Variants in SGCZ observed in about 807,000 individuals in gnomAD.
The protein encoded by SGCZ is sarcoglycan zeta, also known as zeta-sarcoglycan.
SGCZ carries 40 observed loss-of-function variants against 41.3 expected under a neutral mutation model. That is an observed-to-expected ratio of 0.97 (90% confidence interval 0.75 to 1.26). SGCZ has a LOEUF of 1.26. Among genes scored for constraint, SGCZ ranks in the 50% most tolerant of loss-of-function variants. The pLI, the probability that SGCZ is intolerant of heterozygous loss-of-function variation, is 0.00. For synonymous variants in SGCZ, 206 were observed against 137.5 expected, an observed-to-expected ratio of 1.50 and a Z score of -3.49; for missense variants, 552 against 369.8, an observed-to-expected ratio of 1.49 and a Z score of -4.04.
At chr8:14,857,570 G>T (rs1244430520) in intron 1 of SGCZ, among the ~76,000 whole-genome samples, 1 of 152,036 alleles carries the variant, frequency 6.6e-6, no homozygotes, top group Non-Finnish European at 1.5e-5. Flanking sequence ...GTTTTAAAAA[G>T]GTGCAGATTT....
intron 2 of SGCZ, among the ~76,000 whole-genome samples, chr8:14,348,591 C>A (rs1188998718): frequency 2.6e-5 from 4 of 152,090 alleles, no homozygotes; most frequent in East Asian, 1.9e-4. Context: ...TGGCATACAA[C>A]TGAAACTTGG....
chr8:14,955,045 AC>A (rs1470970747), intron 1 of SGCZ, among the ~76,000 whole-genome samples: 11 of 152,196 alleles, frequency 7.2e-5, no homozygotes, highest in African/African-American at 2.4e-4. Context: ...CATTCTCAGA[AC>A]CTGAGAAGTC....
At chr8:14,762,824 A>C (rs1799933039) in intron 1 of SGCZ, among the ~76,000 whole-genome samples, 1 of 152,210 alleles carries the variant, frequency 6.6e-6, no homozygotes, top group African/African-American at 2.4e-5. Flanking sequence ...CTTTGCAAAG[A>C]GATATCTCTG....
At chr8:14,100,597 T>A (rs1267786653) in intron 7 of SGCZ, among the ~76,000 whole-genome samples, 5 of 141,200 alleles carry the variant, frequency 3.5e-5, no homozygotes, top group Middle Eastern at 3.8e-3. Flanking sequence ...ATATTATATT[T>A]TATTAATTTA....
chr8:14,132,461 C>T (rs1803070979), intron 5 of SGCZ, among the ~76,000 whole-genome samples: 1 of 152,158 alleles, frequency 6.6e-6, no homozygotes, highest in African/African-American at 2.4e-5. Flanking sequence ...CTAAGACAAC[C>T]ACCATTACTA....
chr8:15,026,365 G>C (rs1803458369), intron 1 of SGCZ, among the ~76,000 whole-genome samples: 1 of 152,090 alleles, frequency 6.6e-6, no homozygotes. Flanking sequence ...GAACAGAAAA[G>C]AGTCCTAAAT....
chr8:14,936,343 A>G (rs756869842), intron 1 of SGCZ, among the ~76,000 whole-genome samples: 1 of 151,996 alleles, frequency 6.6e-6, no homozygotes, highest in Non-Finnish European at 1.5e-5. Flanking sequence ...ATCTTAGCCT[A>G]GCCTACCTTA....
intron 1 of SGCZ, among the ~76,000 whole-genome samples, chr8:14,777,898 CAA>C (rs200331185): frequency 6.1e-4 from 73 of 119,172 alleles, no homozygotes; most frequent in Non-Finnish European, 8.5e-4. Context: ...AAATTATTTC[CAA>C]AAAAAAAAAA....
intron 1 of SGCZ, among the ~76,000 whole-genome samples, chr8:14,826,767 T>A (rs1011709680): frequency 1.3e-5 from 2 of 152,230 alleles, no homozygotes; most frequent in Non-Finnish European, 2.9e-5. Flanking sequence ...CTTTGCCGAC[T>A]TTTTGATGGG....
intron 3 of SGCZ, among the ~76,000 whole-genome samples, chr8:14,245,748 A>T (rs1799064224): frequency 1.3e-5 from 2 of 152,140 alleles, no homozygotes; most frequent in African/African-American, 4.8e-5. Context: ...CAAATTTACA[A>T]AAAAAACCAC....
At chr8:14,506,632 T>C (rs1802313192) in intron 2 of SGCZ, among the ~76,000 whole-genome samples, 1 of 152,302 alleles carries the variant, frequency 6.6e-6, no homozygotes, top group South Asian at 2.1e-4. Flanking sequence ...AATGTCTCTT[T>C]CCCCTTCTGT....
intron 3 of SGCZ, among the ~76,000 whole-genome samples, chr8:14,292,804 C>T (rs1800884975): frequency 6.7e-6 from 1 of 149,820 alleles, no homozygotes; most frequent in African/African-American, 2.5e-5. Flanking sequence ...CTGAGAATTA[C>T]ATGAAAAAGT....
chr8:14,418,803 A>T, intron 2 of SGCZ, among the ~76,000 whole-genome samples: 1 of 151,992 alleles, frequency 6.6e-6, no homozygotes, highest in East Asian at 1.9e-4. Flanking sequence ...GCTGAACACT[A>T]TTGCTATACA....
intron 1 of SGCZ, among the ~76,000 whole-genome samples, chr8:14,698,130 G>A (rs944970971): frequency 2.0e-5 from 3 of 151,878 alleles, no homozygotes; most frequent in African/African-American, 7.2e-5. Context: ...CGCCTTTCTA[G>A]CAGTCAAACA....
intron 7 of SGCZ, among the ~76,000 whole-genome samples, chr8:14,091,489 G>C (rs764165696): frequency 5.3e-5 from 8 of 152,024 alleles, no homozygotes; most frequent in Non-Finnish European, 1.2e-4. Flanking sequence ...AGCATCTGTT[G>C]TTTCCTGACT....
chr8:14,883,779 T>C (rs79233061), intron 1 of SGCZ, among the ~76,000 whole-genome samples: 6 of 133,894 alleles, frequency 4.5e-5, no homozygotes, highest in Non-Finnish European at 8.4e-5. Context: ...TCCTGTTGTT[T>C]TTTTTTTTTT....
chr8:14,591,775 A>G (rs1348337563), intron 1 of SGCZ, among the ~76,000 whole-genome samples: 2 of 152,160 alleles, frequency 1.3e-5, no homozygotes, highest in African/African-American at 2.4e-5. Flanking sequence ...GCCATTATGA[A>G]AAGCACTTTT....
rs1414788175 is a variant in SGCZ at position 14,582,597 on chromosome 8, T to G, written c.40-27671A>C. Among the ~76,000 whole-genome samples the G allele has an allele frequency of 2.0e-5, 3 of 149,138 alleles. No individual in the cohort carries two copies. In the East Asian group the frequency reaches 5.9e-4, roughly 29 times the overall value. On this transcript the variant is annotated intron_variant, in intron 1 of 7. Transcript: ENST00000382080. ...CATATGTATACATGTGCCATGCTGG[T>G]GTGCTGCCCATTAACTCGTCATTTA... is the stretch of plus-strand genomic sequence containing the variant.
At chr8:14,222,956 C>T (rs953930163) in intron 4 of SGCZ, among the ~76,000 whole-genome samples, 1 of 151,646 alleles carries the variant, frequency 6.6e-6, no homozygotes, top group Non-Finnish European at 1.5e-5. Flanking sequence ...AGATTACAGG[C>T]ACGTACCACC....
Sources: allele counts gnomAD v4.1 joint callset (sites outside exome capture counted in the v4.1 genomes callset), GRCh38; gene constraint gnomAD v4.1.1; transcripts MANE v1.5; gene names NCBI Gene and HGNC (gene_info 2026-07-23, HGNC 2026-07-21).